The following MYPN variants were observed in gnomAD, a reference collection of about 807,000 sequenced individuals.
MYPN encodes the protein myopalladin, also known as sarcomeric protein myopalladin, 145 kDa (MYOP).
MYPN carries 63 observed loss-of-function variants against 129.4 expected under a neutral mutation model. The observed-to-expected ratio is 0.49, with a 90% CI of 0.40 to 0.60. The LOEUF (loss-of-function observed/expected upper bound fraction) is 0.60. Ranked by LOEUF, MYPN falls within the 20% of genes least tolerant of loss-of-function variation. The probability of loss-of-function intolerance (pLI) is 0.00; values close to 1 mark genes in which losing one functional copy is unlikely to be tolerated. For synonymous variants in MYPN, 629 were observed against 600.9 expected, an observed-to-expected ratio of 1.05 and a Z score of -0.68; for missense variants, 1,596 against 1,635.4, an observed-to-expected ratio of 0.98 and a Z score of 0.42.
chr10:68,095,707 A>T (rs1170283086), intron 1 of MYPN, among the ~76,000 whole-genome samples: 1 of 152,246 alleles, frequency 6.6e-6, no homozygotes, highest in Non-Finnish European at 1.5e-5. Flanking sequence ...AAGAGTAGCA[A>T]GACAAAGTCC....
intron 6 of MYPN, among the ~76,000 whole-genome samples, chr10:68,155,657 T>C (rs921874600): frequency 6.6e-6 from 1 of 152,182 alleles, no homozygotes; most frequent in African/African-American, 2.4e-5. Context: ...CTACACTATG[T>C]TCTAATAGGG....
chr10:68,091,762 T>C (rs1013742488), intron 1 of MYPN, among the ~76,000 whole-genome samples: 2 of 151,916 alleles, frequency 1.3e-5, no homozygotes, highest in African/African-American at 4.8e-5. Context: ...TGAGGCATTC[T>C]GGTTTTTTGA....
At chr10:68,204,052 G>A (rs1430769777) in intron 18 of MYPN, among the ~76,000 whole-genome samples, 2 of 152,058 alleles carry the variant, frequency 1.3e-5, no homozygotes, top group Non-Finnish European at 2.9e-5. Flanking sequence ...TCTTTCTAAG[G>A]AAGAGCAGTG....
chr10:68,211,782 C>T lies in MYPN; in HGVS notation c.*1327C>T, dbSNP rs935503015. On this transcript the variant is annotated 3_prime_UTR_variant, in exon 20 of 20. Coordinates refer to ENST00000358913, the MANE Select transcript of MYPN (RefSeq NM_032578.4). ...TATGCCACCCACACACCAGTCCAAA[C>T]ACTGCCCTGGGAATGCTCATCACAG... The T allele has an allele frequency of 6.6e-6, 3 of 454,020 alleles. No homozygotes were observed. Among genetic ancestry groups the T allele is most frequent in the Admixed American group, 4.7e-5 (2 of 42,544 alleles). The allele number at this position is 454,020 out of a possible 1,614,324, so 28.1% of individuals were successfully genotyped here. A position where few individuals can be genotyped will look rare whatever the true frequency, so the allele number is the denominator to read the frequency against.
intron 2 of MYPN, among the ~76,000 whole-genome samples, chr10:68,135,871 T>C (rs957086561): frequency 1.3e-5 from 2 of 151,924 alleles, no homozygotes; most frequent in Non-Finnish European, 2.9e-5. Flanking sequence ...CAAATAAATA[T>C]ATAATTATAA....
chr10:68,192,802 T>C (rs952127930), intron 13 of MYPN, among the ~76,000 whole-genome samples: 29 of 152,284 alleles, frequency 1.9e-4, no homozygotes, highest in African/African-American at 6.0e-4. Context: ...TTTGCTGGCA[T>C]ATAGTTGTTC....
chr10:68,090,224 G>A (rs910956959), intron 1 of MYPN, among the ~76,000 whole-genome samples: 9 of 151,914 alleles, frequency 5.9e-5, no homozygotes, highest in Non-Finnish European at 1.2e-4. Flanking sequence ...GTGCAGTGGC[G>A]CAATCTCAGC....
At chr10:68,181,710 C>T (rs1233071407) in intron 12 of MYPN, among the ~76,000 whole-genome samples, 1 of 151,998 alleles carries the variant, frequency 6.6e-6, no homozygotes, top group Non-Finnish European at 1.5e-5. Flanking sequence ...CACCCTCTGC[C>T]CTGACACACT....
intron 1 of MYPN, among the ~76,000 whole-genome samples, chr10:68,120,691 T>C (rs1298038977): frequency 1.3e-5 from 2 of 152,228 alleles, no homozygotes; most frequent in African/African-American, 2.4e-5. Flanking sequence ...ATGTTGTCAA[T>C]ATCTTTCAAT....
At chr10:68,148,282 A>T (rs2042703555) in intron 4 of MYPN, 71 bp from the exon 5 acceptor site, 1 of 1,198,824 alleles carries the variant, frequency 8.3e-7, no homozygotes, top group Non-Finnish European at 1.2e-6. Context: ...TGCCATTACT[A>T]GTTTTCCTAA....
chr10:68,095,203 G>A (rs2133938493), intron 1 of MYPN, among the ~76,000 whole-genome samples: 1 of 152,000 alleles, frequency 6.6e-6, no homozygotes, highest in African/African-American at 2.4e-5. Flanking sequence ...AATTACCTGG[G>A]TGTGGGTGTG....
At chr10:68,185,434 G>A (rs2043405825) in intron 12 of MYPN, among the ~76,000 whole-genome samples, 1 of 152,030 alleles carries the variant, frequency 6.6e-6, no homozygotes, top group Non-Finnish European at 1.5e-5. Context: ...GGCCTCCAGG[G>A]TGGGTGCCAT....
intron 1 of MYPN, among the ~76,000 whole-genome samples, chr10:68,116,869 T>C (rs2042164921): frequency 6.6e-6 from 1 of 152,216 alleles, no homozygotes. Context: ...AGTTTTTCTT[T>C]GTGTCTATAA....
chr10:68,140,817 A>G (rs2042564589), intron 2 of MYPN, among the ~76,000 whole-genome samples: 1 of 152,244 alleles, frequency 6.6e-6, no homozygotes, highest in South Asian at 2.1e-4. Flanking sequence ...TCATTCCTGT[A>G]ATCCCAGCAC....
In MYPN at chr10:68,149,930, T is replaced by A. The variant is rs2042738795; in HGVS notation, c.1246-110T>A. On this transcript the variant is annotated intron_variant, in intron 5 of 19. Transcript: ENST00000358913. ...TTCATAAACTTAGAATACATCAGTT[T>A]TTTGGTTTGGGATGCATTTCATATA... The A allele has an allele frequency of 3.2e-6, 3 of 932,996 alleles. No homozygotes were observed. In the Admixed American group the frequency reaches 5.3e-5, roughly 17 times the overall value. 57.8% of individuals were successfully genotyped at this position (932,996 alleles called of 1,614,324 possible). A position where few individuals can be genotyped will look rare whatever the true frequency, so the allele number is the denominator to read the frequency against.
At chr10:68,102,622 G>T (rs773210566), upstream of MYPN, among the ~76,000 whole-genome samples, 3 of 151,912 alleles carry the variant, frequency 2.0e-5, no homozygotes, top group Non-Finnish European at 4.4e-5. Context: ...TGGCTCTATT[G>T]TTTTGCATTC....
At chr10:68,193,660 G>T (rs2043553053) in intron 13 of MYPN, among the ~76,000 whole-genome samples, 1 of 152,150 alleles carries the variant, frequency 6.6e-6, no homozygotes, top group Non-Finnish European at 1.5e-5. Flanking sequence ...CATTAGCATA[G>T]TGTTATCATG....
chr10:68,106,483 T>C (rs906697613), upstream of MYPN: 6 of 532,020 alleles, frequency 1.1e-5, no homozygotes, highest in African/African-American at 5.7e-5. Flanking sequence ...AAAATTTTTC[T>C]CATTAAAAAT....
Position 68,197,566 on chromosome 10 carries a change from T to G in MYPN, c.3285+88T>G, listed in dbSNP as rs574943032. The stretch of plus-strand genomic sequence containing the variant: ...TTTTTATTTGTATTTGTTTTGTGGG[T>G]TTTTTTTTTCAGGAAAGATGAGATG... On this transcript the variant is annotated intron_variant, in intron 16 of 19. Transcript: ENST00000358913. The G allele has an allele frequency of 4.1e-4, 580 of 1,426,590 alleles. 3 individuals carry two copies. The African/African-American group carries it at 6.5e-3, about 16-fold the overall frequency. The allele number at this position is 1,426,590 out of a possible 1,614,324, so 88.4% of individuals were successfully genotyped here. A position where few individuals can be genotyped will look rare whatever the true frequency, so the allele number is the denominator to read the frequency against.
Sources: allele counts gnomAD v4.1 joint callset (sites outside exome capture counted in the v4.1 genomes callset), GRCh38; gene constraint gnomAD v4.1.1; transcripts MANE v1.5; gene names NCBI Gene and HGNC (gene_info 2026-07-23, HGNC 2026-07-21).